PDE4B: variants seen among roughly 807,000 people sequenced by gnomAD.
The protein encoded by PDE4B is phosphodiesterase 4B, also known as 3',5'-cyclic-AMP phosphodiesterase 4B.
In PDE4B, 20 loss-of-function variants were observed where a neutral mutation model predicts 82.2. The ratio of observed to expected loss-of-function variants is 0.24; its 90% confidence interval spans 0.17 to 0.35. The LOEUF (loss-of-function observed/expected upper bound fraction) is 0.35, where lower values mean the gene tolerates loss of function less well. Ranked by LOEUF, PDE4B falls within the 10% of genes least tolerant of loss-of-function variation. The pLI is 1.00. For synonymous variants in PDE4B, 320 were observed against 318.9 expected, an observed-to-expected ratio of 1.00 and a Z score of -0.04; for missense variants, 655 against 907.2, an observed-to-expected ratio of 0.72 and a Z score of 3.57.
intron 3 of PDE4B, among the ~76,000 whole-genome samples, chr1:66,146,459 C>T (rs1427230343): frequency 6.6e-6 from 1 of 152,124 alleles, no homozygotes; most frequent in Non-Finnish European, 1.5e-5. Context: ...GCTGGGATTA[C>T]AGGCGTGAGC....
At chr1:66,007,669 T>C (rs139455641) in intron 3 of PDE4B, among the ~76,000 whole-genome samples, 2 of 152,260 alleles carry the variant, frequency 1.3e-5, no homozygotes, top group Non-Finnish European at 2.9e-5. Context: ...TCTGGTGTAC[T>C]AGCAATAGGC....
At chr1:66,008,994 A>G (rs1261719251) in intron 3 of PDE4B, among the ~76,000 whole-genome samples, 2 of 152,104 alleles carry the variant, frequency 1.3e-5, no homozygotes, top group Non-Finnish European at 2.9e-5. Context: ...ATCTCTAGCC[A>G]GACTTTTCCT....
chr1:66,126,065 C>CA (rs1441067409), intron 3 of PDE4B, among the ~76,000 whole-genome samples: 1 of 152,182 alleles, frequency 6.6e-6, no homozygotes. Context: ...CTCGGCCTCC[C>CA]AAAGTGTTGG....
chr1:66,041,279 A>G lies in PDE4B; in HGVS notation c.281+122444A>G, dbSNP rs1275058605. Reference sequence around the variant, plus strand: ...AGTTGGCTTCTATTGATTTTTTACCATCCAGTACTCAAAGATGTGCAAAAA... The same window carrying G: ...AGTTGGCTTCTATTGATTTTTTACCGTCCAGTACTCAAAGATGTGCAAAAA... On this transcript the variant is annotated intron_variant, in intron 3 of 16. Coordinates refer to ENST00000341517, the MANE Select transcript of PDE4B (RefSeq NM_002600.4). Among the ~76,000 whole-genome samples the G allele has an allele frequency of 2.0e-5, 3 of 151,962 alleles. No homozygotes were observed. The East Asian group carries it at 5.8e-4, about 29-fold the overall frequency.
chr1:65,848,961 ATAT>A (rs1479827210), intron 1 of PDE4B, among the ~76,000 whole-genome samples: 10 of 152,086 alleles, frequency 6.6e-5, no homozygotes, highest in Admixed American at 2.0e-4. Context: ...TAATTTAAAA[ATAT>A]TATTAAAATC....
Position 66,372,917 on chromosome 1 carries a change from C to T in PDE4B, c.*239C>T, listed in dbSNP as rs41286718. The T allele has an allele frequency of 8.4e-5, 40 of 476,062 alleles. No individual in the cohort carries two copies. Among genetic ancestry groups the T allele is most frequent in the Non-Finnish European group, 1.4e-4 (36 of 263,810 alleles). 29.5% of individuals were successfully genotyped at this position (476,062 alleles called of 1,614,324 possible). A position where few individuals can be genotyped will look rare whatever the true frequency, so the allele number is the denominator to read the frequency against. On this transcript the variant is annotated 3_prime_UTR_variant, in exon 17 of 17. Transcript: ENST00000341517. ...GAGGGCTGAAGCTGTTGCTGGGGGC[C>T]GATTCTGATCAAGACACATGGCTTG...
chr1:65,876,745 A>T lies in PDE4B; in HGVS notation c.-70-36500A>T, dbSNP rs567200397. On this transcript the variant is annotated intron_variant, in intron 1 of 16. Transcript: ENST00000341517. The stretch of plus-strand genomic sequence containing the variant: ...ATATGAAATATTTCCGTGGTTGGAA[A>T]ATATAGCCTGAAAGTGTGTTTCTGT... Among the ~76,000 whole-genome samples the T allele has an allele frequency of 9.2e-5, 14 of 152,300 alleles. No homozygotes were observed. The South Asian group carries it at 2.9e-3, about 32-fold the overall frequency.
At chr1:65,897,206 A>C (rs115869324) in intron 1 of PDE4B, among the ~76,000 whole-genome samples, 2,420 of 152,254 alleles carry the variant, frequency 0.016, 43 homozygotes, top group Non-Finnish European at 0.02. Flanking sequence ...CTATGGACAG[A>C]ATTAGAATTT....
Position 66,372,765 on chromosome 1 carries a change from C to A in PDE4B, c.*87C>A. On this transcript the variant is annotated 3_prime_UTR_variant, in exon 17 of 17. Transcript: ENST00000341517. ...GGCCAGCCCACCATGGGGGCCAAGA[C>A]CTGCACAGGACAAGGGCCACCTGGC... 1 of 1,409,614 alleles carries A rather than the reference C, an allele frequency of 7.1e-7. No homozygotes were observed. 87.3% of individuals were successfully genotyped at this position (1,409,614 alleles called of 1,614,324 possible).
At chr1:66,023,747 T>A (rs1653276822) in intron 3 of PDE4B, among the ~76,000 whole-genome samples, 1 of 152,154 alleles carries the variant, frequency 6.6e-6, no homozygotes, top group Non-Finnish European at 1.5e-5. Flanking sequence ...AACTACCATT[T>A]ATGTAGTAAA....
rs11208795 is a variant in PDE4B at position 66,078,955 on chromosome 1, A to G, written c.281+160120A>G. Among the ~76,000 whole-genome samples the G allele has an allele frequency of 3.9e-3, 599 of 152,074 alleles. 7 individuals are homozygous for G. Among genetic ancestry groups the G allele is most frequent in the African/African-American group, 0.013 (549 of 41,500 alleles). ...AGACCCAATCTAACCCCCACAATCC[A>G]CTCATCAATTCCCTTATTTATTCAG... On this transcript the variant is annotated intron_variant, in intron 3 of 16. Transcript: ENST00000341517.
At chr1:66,233,920 T>C (rs919973371) in intron 3 of PDE4B, among the ~76,000 whole-genome samples, 2 of 152,170 alleles carry the variant, frequency 1.3e-5, no homozygotes, top group Non-Finnish European at 2.9e-5. Context: ...TTTGATTTGA[T>C]ATAATTTTGT....
At chr1:66,219,423 G>A (rs1650776299) in intron 3 of PDE4B, among the ~76,000 whole-genome samples, 1 of 152,158 alleles carries the variant, frequency 6.6e-6, no homozygotes, top group Non-Finnish European at 1.5e-5. Flanking sequence ...GCACATTACA[G>A]CATTTTCTTA....
chr1:66,367,718 T>C lies in PDE4B; in HGVS notation c.1407T>C (p.Tyr469=). Residue 469 remains tyrosine, a synonymous_variant, in exon 14 of 17, where the codon TAT becomes TAC. Transcript: ENST00000341517. ...INTNSELALM[Y]NDESVLENHH... ...TAGATTCAGAACTTGCTTTGATGTA[T>C]AATGATGAATCTGTGTTGGAAAATC... The C allele has an allele frequency of 1.2e-6, 2 of 1,613,210 alleles. No individual in the cohort carries two copies. Among genetic ancestry groups the C allele is most frequent in the Non-Finnish European group, 1.7e-6 (2 of 1,179,486 alleles).
intron 1 of PDE4B, among the ~76,000 whole-genome samples, chr1:65,802,993 A>G (rs889930855): frequency 3.9e-5 from 6 of 152,136 alleles, no homozygotes; most frequent in Non-Finnish European, 7.4e-5. Flanking sequence ...TTTATTTATA[A>G]AATGTTATGC....
intron 3 of PDE4B, among the ~76,000 whole-genome samples, chr1:66,226,359 G>A (rs1341593504): frequency 6.6e-6 from 1 of 152,182 alleles, no homozygotes; most frequent in Non-Finnish European, 1.5e-5. Flanking sequence ...GATTAAAAAT[G>A]AAGCAACAAA....
intron 3 of PDE4B, among the ~76,000 whole-genome samples, chr1:66,007,627 G>A (rs1171267678): frequency 1.3e-5 from 2 of 152,132 alleles, no homozygotes; most frequent in African/African-American, 2.4e-5. Context: ...GACATACTGA[G>A]CAATTAATCA....
intron 3 of PDE4B, among the ~76,000 whole-genome samples, chr1:66,129,747 A>C (rs114011204): frequency 0.011 from 1,719 of 152,038 alleles, 32 homozygotes; most frequent in African/African-American, 0.039. Flanking sequence ...CTATTTCATA[A>C]GGTTGTATAT....
rs1390765803 is a variant in PDE4B, at chr1:66,372,839, T to C, written c.*161T>C. 4.6e-6 allele frequency: 3 copies of C among 653,508 alleles called. No homozygotes were observed. The highest frequency in any genetic ancestry group is 1.8e-5 in the African/African-American group (1 of 55,068). The allele number at this position is 653,508 out of a possible 1,614,324, so 40.5% of individuals were successfully genotyped here. The stretch of plus-strand genomic sequence containing the variant: ...TCAGAAAGCAAGACCAGGAAGCAAA[T>C]AGCAGCTCAGGAAATCCCACGGTTG... On this transcript the variant is annotated 3_prime_UTR_variant, in exon 17 of 17. Transcript: ENST00000341517.
Sources: gnomAD v4.1 joint callset for allele counts (sites outside exome capture counted in the v4.1 genomes callset) on GRCh38, gnomAD v4.1.1 for gene constraint, MANE v1.5 for transcripts, NCBI Gene and HGNC (gene_info 2026-07-23, HGNC 2026-07-21) for gene names.